Variants in CPQ observed in about 807,000 individuals in gnomAD.
The protein encoded by CPQ is Ser-Met dipeptidase.
CPQ carries 37 observed loss-of-function variants against 45.7 expected under a neutral mutation model. That is an observed-to-expected ratio of 0.81 (90% CI 0.62 to 1.07). CPQ has a LOEUF of 1.07. Ranked by LOEUF, CPQ falls within the 50% of genes least tolerant of loss-of-function variation. CPQ has a pLI of 0.00. For missense variants in CPQ, 537 were observed against 572.9 expected, an observed-to-expected ratio of 0.94 and a Z score of 0.64; for synonymous variants, 186 against 205.8, an observed-to-expected ratio of 0.90 and a Z score of 0.82.
At chr8:96,860,611 C>T (rs1481982892) in intron 3 of CPQ, among the ~76,000 whole-genome samples, 2 of 152,036 alleles carry the variant, frequency 1.3e-5, no homozygotes, top group Non-Finnish European at 2.9e-5. Flanking sequence ...AGCTGGTGAA[C>T]ATGGGGTGTG....
intron 5 of CPQ, among the ~76,000 whole-genome samples, chr8:96,980,323 G>A (rs1193689211): frequency 6.6e-6 from 1 of 152,028 alleles, no homozygotes; most frequent in African/African-American, 2.4e-5. Flanking sequence ...GGTAGAGACG[G>A]GGTTTCACCC....
intron 3 of CPQ, among the ~76,000 whole-genome samples, chr8:96,866,505 G>A (rs1050625350): frequency 6.6e-6 from 1 of 152,016 alleles, no homozygotes; most frequent in Non-Finnish European, 1.5e-5. Context: ...TTATTACGGA[G>A]AATTGATTAA....
intron 7 of CPQ, among the ~76,000 whole-genome samples, chr8:97,116,357 G>T (rs944332642): frequency 1.2e-4 from 18 of 152,190 alleles, no homozygotes; most frequent in African/African-American, 4.1e-4. Flanking sequence ...TCATTACCAT[G>T]GTTGGCCAGC....
intron 7 of CPQ, among the ~76,000 whole-genome samples, chr8:97,080,031 G>C (rs1810918250): frequency 6.6e-6 from 1 of 152,136 alleles, no homozygotes; most frequent in Admixed American, 6.5e-5. Flanking sequence ...GCAGGCTCCG[G>C]CTAACCCAGA....
At chr8:96,862,631 C>T (rs759656527) in intron 3 of CPQ, among the ~76,000 whole-genome samples, 12 of 151,940 alleles carry the variant, frequency 7.9e-5, no homozygotes, top group Non-Finnish European at 1.6e-4. Context: ...AGAGCTACGA[C>T]ATAAAGGATT....
At chr8:96,725,404 C>T (rs1160461008) in intron 1 of CPQ, among the ~76,000 whole-genome samples, 3 of 152,138 alleles carry the variant, frequency 2.0e-5, no homozygotes, top group Non-Finnish European at 2.9e-5. Flanking sequence ...CTAATAACCT[C>T]ATTAAAACGT....
intron 7 of CPQ, among the ~76,000 whole-genome samples, chr8:97,096,613 G>C (rs1040803942): frequency 2.6e-5 from 4 of 152,224 alleles, no homozygotes; most frequent in African/African-American, 9.6e-5. Context: ...GAACAGTTGA[G>C]TCCTAATGCG....
chr8:97,127,164 G>A (rs1455765548), intron 7 of CPQ, among the ~76,000 whole-genome samples: 5 of 152,036 alleles, frequency 3.3e-5, no homozygotes, highest in African/African-American at 7.2e-5. Context: ...TGATAAGTTG[G>A]ACATCATCGT....
At chr8:97,100,669 A>G (rs755423381) in intron 7 of CPQ, among the ~76,000 whole-genome samples, 1 of 152,206 alleles carries the variant, frequency 6.6e-6, no homozygotes, top group Non-Finnish European at 1.5e-5. Flanking sequence ...AGAAGAATTT[A>G]TAGGTTAAAA....
chr8:96,972,986 C>T (rs923974557), intron 5 of CPQ, among the ~76,000 whole-genome samples: 3 of 151,960 alleles, frequency 2.0e-5, no homozygotes, highest in Non-Finnish European at 4.4e-5. Flanking sequence ...CTTTTACATC[C>T]CCCAAAAGAT....
At chr8:96,761,110 A>G (rs1337097671) in intron 1 of CPQ, 1 of 152,156 alleles carries the variant, frequency 6.6e-6, no homozygotes, top group Non-Finnish European at 1.5e-5. Context: ...CCTTTAATGC[A>G]GTATTGTCAA....
intron 6 of CPQ, among the ~76,000 whole-genome samples, chr8:97,040,641 A>G (rs1328616500): frequency 1.3e-5 from 2 of 152,186 alleles, no homozygotes; most frequent in Non-Finnish European, 2.9e-5. Flanking sequence ...TCTTTAATCC[A>G]TCTTGAATTA....
chr8:97,006,961 G>A (rs574701581), intron 5 of CPQ, among the ~76,000 whole-genome samples: 1 of 152,194 alleles, frequency 6.6e-6, no homozygotes, highest in African/African-American at 2.4e-5. Context: ...AGTATATTAG[G>A]AAAAAATAGG....
At chr8:96,856,637 A>T (rs1811855117) in intron 3 of CPQ, among the ~76,000 whole-genome samples, 1 of 152,176 alleles carries the variant, frequency 6.6e-6, no homozygotes, top group Non-Finnish European at 1.5e-5. Context: ...AGTATGGACC[A>T]GGCCTGTACT....
At chr8:96,848,561 TAAA>T (rs1811729797) in intron 3 of CPQ, among the ~76,000 whole-genome samples, 1 of 152,216 alleles carries the variant, frequency 6.6e-6, no homozygotes, top group Non-Finnish European at 1.5e-5. Flanking sequence ...AAAACAAGAA[TAAA>T]AAAGGAATTC....
intron 2 of CPQ, among the ~76,000 whole-genome samples, chr8:96,786,075 C>T (rs1021693916): frequency 2.6e-5 from 4 of 152,194 alleles, no homozygotes; most frequent in South Asian, 4.1e-4. Context: ...AATGTACAAG[C>T]GATTTTTAAT....
chr8:97,029,332 G>T (rs1809853690), intron 5 of CPQ, 71 bp from the exon 6 acceptor site: 5 of 1,426,898 alleles, frequency 3.5e-6, no homozygotes, highest in Non-Finnish European at 2.9e-6. Flanking sequence ...GGCAGATGAG[G>T]GACCCTGCCA....
intron 1 of CPQ, among the ~76,000 whole-genome samples, chr8:96,698,475 C>T (rs549955411): frequency 2.6e-5 from 4 of 152,108 alleles, no homozygotes; most frequent in Admixed American, 2.0e-4. Flanking sequence ...CAAGCACAGG[C>T]AACCACCGCA....
At position 96,730,866 on chromosome 8, in the gene CPQ, C is replaced by CATATATATATATATATAT. The variant is rs35247469; in HGVS notation, c.-34-53989_-34-53972dup. Among the ~76,000 whole-genome samples, 274 of 68,552 alleles carry CATATATATATATATATAT rather than the reference C, an allele frequency of 4.0e-3. 3 individuals are homozygous for CATATATATATATATATAT. The highest frequency in any genetic ancestry group is 8.4e-3 in the African/African-American group (164 of 19,632). The allele number at this position is 68,552 out of a possible 152,430, so 45.0% of individuals were successfully genotyped here. A position where few individuals can be genotyped will look rare whatever the true frequency, so the allele number is the denominator to read the frequency against. ...GATCTAGATCAATTAACCATACATA[C>CATATATATATATATATAT]ATATATATATATATATATATATATA... On this transcript the variant is annotated intron_variant, in intron 1 of 7. Transcript: ENST00000220763.
Sources: allele counts gnomAD v4.1 joint callset (sites outside exome capture counted in the v4.1 genomes callset), GRCh38; gene constraint gnomAD v4.1.1; transcripts MANE v1.5; gene names NCBI Gene and HGNC (gene_info 2026-07-23, HGNC 2026-07-21).